DDX27: variants seen among roughly 807,000 people sequenced by gnomAD.
DDX27 encodes the protein probable ATP-dependent RNA helicase DDX27.
In DDX27, 42 loss-of-function variants were observed where a neutral mutation model predicts 99.3. The ratio of observed to expected loss-of-function variants is 0.42; its 90% CI spans 0.33 to 0.55. The LOEUF (loss-of-function observed/expected upper bound fraction) is 0.55, where lower values mean the gene tolerates loss of function less well. Among genes scored for constraint, DDX27 ranks in the 20% least tolerant of loss-of-function variants. DDX27 has a pLI of 0.07. For missense variants in DDX27, 798 were observed against 976.8 expected (o/e 0.82, Z 2.44); for synonymous variants, 329 against 353.8 (o/e 0.93, Z 0.79).
intron 19 of DDX27, 92 bp from the exon 20 acceptor site, chr20:49,243,537 C>G: frequency 9.0e-7 from 1 of 1,114,218 alleles, no homozygotes; most frequent in Non-Finnish European, 1.4e-6. Flanking sequence ...AGAGATGCTA[C>G]TGCTTCATGT....
intron 4 of DDX27, among the ~76,000 whole-genome samples, chr20:49,224,430 T>G (rs1272115152): frequency 6.6e-6 from 1 of 151,588 alleles, no homozygotes; most frequent in Non-Finnish European, 1.5e-5. Context: ...TGGTACAATT[T>G]CAGCTCACTG....
chr20:49,223,595 T>C (rs1979773244), intron 4 of DDX27, among the ~76,000 whole-genome samples, 162 bp downstream of exon 4: 1 of 150,730 alleles, frequency 6.6e-6, no homozygotes, highest in African/African-American at 2.4e-5. Context: ...TTTTAAGAGA[T>C]GTTGGCTGGG....
chr20:49,231,454 G>T (rs1241949264), intron 9 of DDX27, among the ~76,000 whole-genome samples: 2 of 152,132 alleles, frequency 1.3e-5, no homozygotes, highest in African/African-American at 4.8e-5. Context: ...GTTTTAAAGG[G>T]GGAGGGAAAC....
intron 15 of DDX27, 80 bp from the exon 16 acceptor site, chr20:49,239,155 GC>G: frequency 6.5e-7 from 1 of 1,533,224 alleles, no homozygotes; most frequent in South Asian, 1.1e-5. Flanking sequence ...TCCCATCAGA[GC>G]CCCAGGCATT....
At chr20:49,226,108 T>A (rs2146708737) in intron 6 of DDX27, among the ~76,000 whole-genome samples, 1 of 152,294 alleles carries the variant, frequency 6.6e-6, no homozygotes, top group South Asian at 2.1e-4. Context: ...AGCCCTACCG[T>A]GAATAGCACT....
At chr20:49,229,257 C>T (rs1040384490) in intron 8 of DDX27, among the ~76,000 whole-genome samples, 10 of 152,008 alleles carry the variant, frequency 6.6e-5, no homozygotes, top group African/African-American at 2.2e-4. Context: ...GTCTCGATCT[C>T]CTGACCTCGT....
intron 14 of DDX27, 147 bp from the exon 15 acceptor site, chr20:49,238,802 G>C: frequency 1.3e-5 from 5 of 370,844 alleles, no homozygotes; most frequent in South Asian, 1.3e-4. Context: ...TAGAGACAGA[G>C]TCTGGCCACG....
At chr20:49,226,578 G>T (rs1245520880) in intron 7 of DDX27, 43 bp downstream of exon 7, 1 of 1,479,524 alleles carries the variant, frequency 6.8e-7, no homozygotes, top group Admixed American at 1.7e-5. Context: ...GGGTGTTACG[G>T]CCAGGGCTGG....
rs1980220366 is a variant in DDX27, at chr20:49,234,037, G to A, written c.1273+328G>A. ...TTGCTCGAGCTCCCTGCTTCCACTC[G>A]GCCTTTTGTGACTCTCTGCATTGCA... On this transcript the variant is annotated intron_variant, in intron 11 of 20. Transcript: ENST00000618172. 2.1e-5 allele frequency: 6 copies of A among 281,892 alleles called. No individual in the cohort carries two copies. The South Asian group carries it at 4.2e-4, about 20-fold the overall frequency. 17.5% of individuals were successfully genotyped at this position (281,892 alleles called of 1,614,324 possible). A position where few individuals can be genotyped will look rare whatever the true frequency, so the allele number is the denominator to read the frequency against.
At position 49,226,423 on chromosome 20, in the gene DDX27, T is replaced by C. The variant is rs778000831; in HGVS notation, c.601-7T>C. 4.3e-6 allele frequency: 7 copies of C among 1,612,020 alleles called. No homozygotes were observed. The highest frequency in any genetic ancestry group is 3.3e-5 in the South Asian group (3 of 90,884). ...AACCCTGTCTGACCCAGTTCTTTTT[T>C]CCTCAGGCCATTACAGCCATGGGCT... On this transcript the variant is annotated splice_polypyrimidine_tract_variant and splice_region_variant and intron_variant, in intron 6 of 20. Transcript: ENST00000618172.
At chr20:49,224,079 G>A (rs192558377) in intron 4 of DDX27, among the ~76,000 whole-genome samples, 40 of 151,314 alleles carry the variant, frequency 2.6e-4, no homozygotes, top group Middle Eastern at 6.8e-3. Flanking sequence ...GTCTTGCTTT[G>A]TTGCTCAGGC....
chr20:49,234,584 A>G (rs1206314066), intron 11 of DDX27: 2 of 175,816 alleles, frequency 1.1e-5, no homozygotes, highest in Admixed American at 6.1e-5. Context: ...ACTTCTCACT[A>G]TAAGCTGGTT....
chr20:49,238,959 C>A lies in DDX27; in HGVS notation c.1698C>A (p.Leu566=), dbSNP rs78749149. The A allele has an allele frequency of 1.2e-6, 2 of 1,613,468 alleles. No homozygotes were observed. Among genetic ancestry groups the A allele is most frequent in the East Asian group, 4.5e-5 (2 of 44,876 alleles). ...KARILPQDVI[L]KFRDKIEKME... ...TTTTCTCCCATTGAGATGTCATCCT[C>A]AAATTCCGGGACAAGATTGAGAAAA... Residue 566 remains leucine (L), a synonymous_variant, in exon 15 of 21, where the codon CTC becomes CTA. Coordinates refer to ENST00000618172, the MANE Select transcript of DDX27 (RefSeq NM_017895.8).
chr20:49,222,185 T>G (rs894918530), intron 2 of DDX27, among the ~76,000 whole-genome samples: 12 of 151,878 alleles, frequency 7.9e-5, no homozygotes, highest in African/African-American at 2.9e-4. Flanking sequence ...TAGGCTGGAG[T>G]GTAATGGCGC....
Position 49,236,348 on chromosome 20 carries a change from A to G in DDX27, c.1525A>G (p.Met509Val), listed in dbSNP as rs752659057. 7 of 1,584,792 alleles carry G rather than the reference A, an allele frequency of 4.4e-6. No homozygotes were observed. The highest frequency in any genetic ancestry group is 3.6e-5 in the Admixed American group (2 of 56,138). Residue 509 changes from methionine to valine, a missense_variant, in exon 14 of 21, where the codon ATG (methionine) becomes GTG (valine). By Grantham distance (21) the Met-to-Val change is conservative. Coordinates refer to ENST00000618172, the MANE Select transcript of DDX27 (RefSeq NM_017895.8). The surrounding 1 kb of genome is among the most constrained non-coding windows in gnomAD (Gnocchi z 4.1). ...GACCTTCTAGGTAATCAACTTCACA[A>G]TGCCTAATACCATCAAACATTATGT... ...EGVKTVINFTMPNTIKHYVHR... is the reference protein window; with the variant it reads ...EGVKTVINFTVPNTIKHYVHR...
intron 14 of DDX27, 81 bp from the exon 15 acceptor site, chr20:49,238,868 C>A: frequency 3.9e-6 from 4 of 1,024,250 alleles, no homozygotes; most frequent in Non-Finnish European, 5.9e-6. Flanking sequence ...CCTCAATCTC[C>A]CAGAGTGCCG....
intron 14 of DDX27, among the ~76,000 whole-genome samples, chr20:49,237,190 C>T (rs1015520879): frequency 6.6e-6 from 1 of 151,898 alleles, no homozygotes; most frequent in Non-Finnish European, 1.5e-5. Context: ...ATTAGCTGGG[C>T]ATGGTGGTGT....
chr20:49,226,505 G>A lies in DDX27; in HGVS notation c.676G>A (p.Asp226Asn). The A allele has an allele frequency of 6.2e-7, 1 of 1,614,114 alleles. No individual in the cohort carries two copies. Among genetic ancestry groups the A allele is most frequent in the Non-Finnish European group, 8.5e-7 (1 of 1,179,996 alleles). ...CATACCTGTGGGTCTATTGGGGAAGGACATCTGTGCCTGTGCAGCCACTGG... is the reference window on the plus strand; with the variant it reads ...CATACCTGTGGGTCTATTGGGGAAGAACATCTGTGCCTGTGCAGCCACTGG... ...ACIPVGLLGK[D>N]ICACAATGTG... The change falls in exon 7 of 21, where the codon GAC becomes AAC. Residue 226 changes from aspartate (D) to asparagine (N), a missense_variant. Asp to Asn is a conservative substitution (Grantham distance 23). Coordinates refer to ENST00000618172, the MANE Select transcript of DDX27 (RefSeq NM_017895.8).
At chr20:49,232,129 C>T (rs1356985097) in intron 9 of DDX27, among the ~76,000 whole-genome samples, 1 of 152,174 alleles carries the variant, frequency 6.6e-6, no homozygotes, top group South Asian at 2.1e-4. Flanking sequence ...TTAAGACACC[C>T]TTCTGCCTCG....
Sources: allele counts gnomAD v4.1 joint callset (sites outside exome capture counted in the v4.1 genomes callset), GRCh38; gene constraint gnomAD v4.1.1; non-coding constraint Gnocchi (gnomAD v3.1); transcripts MANE v1.5; gene names NCBI Gene and HGNC (gene_info 2026-07-23, HGNC 2026-07-21).